The following JMJD1C variants were observed in gnomAD, a reference collection of about 807,000 sequenced individuals.
The protein encoded by JMJD1C is jumonji domain containing 1C.
In JMJD1C, 31 loss-of-function variants were observed where a neutral mutation model predicts 245.3. The observed-to-expected ratio is 0.13, with a 90% CI of 0.09 to 0.17. The LOEUF (loss-of-function observed/expected upper bound fraction) is 0.17. JMJD1C is among the 10% of genes least tolerant of loss of function. The pLI is 1.00. For synonymous variants in JMJD1C, 1,057 were observed against 1,017.4 expected (o/e 1.04, Z -0.74); for missense variants, 2,691 against 3,000.2 (o/e 0.90, Z 2.41).
At chr10:63,212,846 T>A (rs1322145817) in intron 8 of JMJD1C, among the ~76,000 whole-genome samples, 2 of 151,042 alleles carry the variant, frequency 1.3e-5, no homozygotes, top group Non-Finnish European at 3.0e-5. Context: ...ATATATATTA[T>A]AATTATTGCA....
Position 63,464,772 on chromosome 10 carries a change from A to C in JMJD1C, c.168+723T>G, listed in dbSNP as rs1336620038. Reference sequence around the variant, plus strand: ...TGACAACATTTTTCGTCTTATTTAAAATCGTATAAAACCCAGAAACAGCTT... The same window carrying C: ...TGACAACATTTTTCGTCTTATTTAACATCGTATAAAACCCAGAAACAGCTT... On this transcript the variant is annotated intron_variant, in intron 1 of 25. Transcript: ENST00000399262. Among the ~76,000 whole-genome samples the C allele has an allele frequency of 2.0e-5, 3 of 152,368 alleles. No individual in the cohort carries two copies. In the East Asian group the frequency reaches 5.8e-4, roughly 29 times the overall value.
chr10:63,280,049 G>A (rs1001312335), intron 2 of JMJD1C, among the ~76,000 whole-genome samples: 1 of 151,986 alleles, frequency 6.6e-6, no homozygotes. Flanking sequence ...TACTCAGGAG[G>A]CTGAGACAGG....
chr10:63,430,491 G>A (rs1301562812), intron 1 of JMJD1C, among the ~76,000 whole-genome samples: 1 of 152,094 alleles, frequency 6.6e-6, no homozygotes, highest in African/African-American at 2.4e-5. Flanking sequence ...GATGCAAAAG[G>A]GCACAGATTA....
Position 63,388,256 on chromosome 10 carries a change from T to C in JMJD1C, c.169-7774A>G, listed in dbSNP as rs1189231895. ...CAAGACATAACTATCTAGTCACTTA[T>C]TAATGAACCCCAATCAGACTAACGG... On this transcript the variant is annotated intron_variant, in intron 1 of 25. Coordinates refer to ENST00000399262, the MANE Select transcript of JMJD1C (RefSeq NM_032776.3). Among the ~76,000 whole-genome samples the C allele has an allele frequency of 4.6e-5, 7 of 152,006 alleles. No individual in the cohort carries two copies. The South Asian group carries it at 1.5e-3, about 32-fold the overall frequency.
At chr10:63,423,822 T>C (rs1376308579) in intron 1 of JMJD1C, among the ~76,000 whole-genome samples, 2 of 152,236 alleles carry the variant, frequency 1.3e-5, no homozygotes, top group Non-Finnish European at 2.9e-5. Context: ...CCAGGTTTTG[T>C]ATTTTTTAAA....
intron 1 of JMJD1C, among the ~76,000 whole-genome samples, chr10:63,480,859 C>A (rs565847958): frequency 6.6e-6 from 1 of 152,126 alleles, no homozygotes; most frequent in Admixed American, 6.5e-5. Context: ...ACAGTCCTTT[C>A]CTTACTTTCA....
At chr10:63,230,786 A>G (rs950189157) in intron 3 of JMJD1C, among the ~76,000 whole-genome samples, 3 of 151,816 alleles carry the variant, frequency 2.0e-5, no homozygotes, top group Non-Finnish European at 4.4e-5. Context: ...CCCCAAAAAA[A>G]ATAAATAAAA....
chr10:63,414,100 C>A (rs978821399), intron 1 of JMJD1C, among the ~76,000 whole-genome samples: 8 of 151,438 alleles, frequency 5.3e-5, no homozygotes, highest in Non-Finnish European at 1.2e-4. Flanking sequence ...CATTCTCCTG[C>A]CTCAGCCTCC....
At chr10:63,261,326 T>C (rs1188379357) in intron 3 of JMJD1C, among the ~76,000 whole-genome samples, 1 of 152,164 alleles carries the variant, frequency 6.6e-6, no homozygotes, top group Non-Finnish European at 1.5e-5. Context: ...ACAACTGTAT[T>C]CTCAGTACTT....
At chr10:63,247,053 T>A (rs1852297617) in intron 3 of JMJD1C, among the ~76,000 whole-genome samples, 1 of 143,332 alleles carries the variant, frequency 7.0e-6, no homozygotes. Context: ...AAATCCAAAA[T>A]TAGTAGTAAG....
chr10:63,459,636 C>T (rs969880834), intron 1 of JMJD1C, among the ~76,000 whole-genome samples: 1 of 152,126 alleles, frequency 6.6e-6, no homozygotes, highest in Non-Finnish European at 1.5e-5. Flanking sequence ...TGAAAATCAT[C>T]AGAGTTATAC....
Position 63,208,712 on chromosome 10 carries a change from G to C in JMJD1C, c.2957C>G (p.Thr986Ser), listed in dbSNP as rs780059054. 6.2e-7 allele frequency: 1 copy of C among 1,613,786 alleles called. No individual in the cohort carries two copies. The highest frequency in any genetic ancestry group is 1.3e-5 in the African/African-American group (1 of 74,904). Residue 986 changes from threonine (T) to serine (S), a missense_variant, in exon 10 of 26, where the codon ACT becomes AGT. By Grantham distance (58) the Thr-to-Ser change is moderately conservative (BLOSUM62 1). Coordinates refer to ENST00000399262, the MANE Select transcript of JMJD1C (RefSeq NM_032776.3). The part of the protein sequence containing the change: ...KNDLDLNRSQ[T>S]GKDCHLHRHF... ...CCTATGTAAGTGACAATCTTTTCCA[G>C]TCTGTGACCTATTTAGATCCAGGTC...
chr10:63,382,038 C>T (rs968681324), intron 1 of JMJD1C, among the ~76,000 whole-genome samples: 1 of 152,054 alleles, frequency 6.6e-6, no homozygotes, highest in Admixed American at 6.5e-5. Flanking sequence ...GAGTGAAACA[C>T]CATCTCTACC....
At chr10:63,308,406 T>C (rs932218449) in intron 2 of JMJD1C, among the ~76,000 whole-genome samples, 1 of 152,064 alleles carries the variant, frequency 6.6e-6, no homozygotes, top group African/African-American at 2.4e-5. Flanking sequence ...AGACAAACCC[T>C]ATCCATCCTA....
chr10:63,353,252 A>G (rs904362075), intron 2 of JMJD1C, among the ~76,000 whole-genome samples: 7 of 152,134 alleles, frequency 4.6e-5, no homozygotes, highest in Non-Finnish European at 1.0e-4. Flanking sequence ...AAGAAAATAC[A>G]GTATTTTTTT....
intron 13 of JMJD1C, chr10:63,194,761 T>C: frequency 5.9e-6 from 1 of 170,696 alleles, no homozygotes; most frequent in Non-Finnish European, 1.3e-5. Flanking sequence ...CTGACACAGT[T>C]TGAGATGACT....
At chr10:63,349,543 T>C (rs568205998) in intron 2 of JMJD1C, among the ~76,000 whole-genome samples, 2 of 152,272 alleles carry the variant, frequency 1.3e-5, no homozygotes, top group South Asian at 2.1e-4. Context: ...GTATTAGCAA[T>C]AACTGTATCT....
rs1197535796 is a variant in JMJD1C, at chr10:63,309,482, G to A, written c.334-44718C>T. 8.3e-5 allele frequency among the ~76,000 whole-genome samples: 8 copies of A among 96,582 alleles called. No homozygotes were observed. The South Asian group carries it at 1.1e-3, about 14-fold the overall frequency. The allele number at this position is 96,582 out of a possible 152,430, so 63.4% of individuals were successfully genotyped here. On this transcript the variant is annotated intron_variant, in intron 2 of 25. Transcript: ENST00000399262. ...GCACTCCAGCCTAAGCAACAAGAGC[G>A]AGACTCCATCTCAAAAAAAAAAAAA...
intron 2 of JMJD1C, among the ~76,000 whole-genome samples, chr10:63,294,576 A>G (rs7093899): frequency 0.67 from 101,629 of 151,992 alleles, 36,442 homozygotes; most frequent in Non-Finnish European, 0.81. Flanking sequence ...GAGCCACTGC[A>G]CCCTGGTCAA....
Sources: gnomAD v4.1 joint callset for allele counts (sites outside exome capture counted in the v4.1 genomes callset) on GRCh38, gnomAD v4.1.1 for gene constraint, MANE v1.5 for transcripts, NCBI Gene and HGNC (gene_info 2026-07-23, HGNC 2026-07-21) for gene names.